The following CUL1 variants were observed in gnomAD, a reference collection of about 807,000 sequenced individuals.
The protein encoded by CUL1 is cullin-1.
CUL1 carries 24 observed loss-of-function variants against 118.0 expected under a neutral mutation model. The ratio of observed to expected loss-of-function variants is 0.20; its 90% CI spans 0.15 to 0.29. The LOEUF is 0.29. CUL1 is among the 10% of genes least tolerant of loss of function. The pLI, the probability that CUL1 is intolerant of heterozygous loss-of-function variation, is 1.00. For missense variants in CUL1, 361 were observed against 933.8 expected (o/e 0.39, Z 7.99); for synonymous variants, 332 against 340.4 (o/e 0.98, Z 0.27).
At position 148,769,458 on chromosome 7, in the gene CUL1, A is replaced by G. The variant is rs10246558; in HGVS notation, c.1083+1709A>G. Among the ~76,000 whole-genome samples, 661 of 139,246 alleles carry G rather than the reference A, an allele frequency of 4.7e-3. 10 individuals are homozygous for G. Among genetic ancestry groups the G allele is most frequent in the African/African-American group, 0.018 (641 of 36,276 alleles). The allele number at this position is 139,246 out of a possible 152,430, so 91.4% of individuals were successfully genotyped here. On this transcript the variant is annotated intron_variant, in intron 9 of 21. Coordinates refer to ENST00000325222, the MANE Select transcript of CUL1 (RefSeq NM_003592.3). ...ACACACACACACACACAAAACGCTC[A>G]CCCTCCTGTGATTCAGAAGGGGTCA...
chr7:148,762,744 G>A (rs1399108421), intron 7 of CUL1, among the ~76,000 whole-genome samples: 1 of 152,248 alleles, frequency 6.6e-6, no homozygotes, highest in East Asian at 1.9e-4. Context: ...GAGGATTGTG[G>A]TCATCTCCTT....
chr7:148,714,711 G>A (rs4725789), intron 1 of CUL1, among the ~76,000 whole-genome samples: 10,434 of 139,948 alleles, frequency 0.075, 432 homozygotes, highest in Middle Eastern at 0.13. Flanking sequence ...GTTGCCAAAG[G>A]GACTCATTTT....
intron 2 of CUL1, among the ~76,000 whole-genome samples, chr7:148,742,521 G>T (rs190486268): frequency 1.2e-3 from 176 of 151,936 alleles, no homozygotes; most frequent in African/African-American, 4.0e-3. Flanking sequence ...GTGCTATTTG[G>T]GTGGGGACAC....
intron 1 of CUL1, among the ~76,000 whole-genome samples, chr7:148,722,461 C>G (rs1798425897): frequency 6.6e-6 from 1 of 152,208 alleles, no homozygotes; most frequent in Non-Finnish European, 1.5e-5. Flanking sequence ...AAGACCAAGA[C>G]CCCTTAAAGC....
chr7:148,769,780 A>G (rs1438158204), intron 9 of CUL1, among the ~76,000 whole-genome samples: 1 of 152,206 alleles, frequency 6.6e-6, no homozygotes, highest in Admixed American at 6.5e-5. Context: ...CTATAGTCCC[A>G]GCTACTCAGA....
intron 1 of CUL1, among the ~76,000 whole-genome samples, chr7:148,706,937 G>T (rs1308272589): frequency 2.0e-5 from 3 of 152,102 alleles, no homozygotes; most frequent in African/African-American, 7.2e-5. Flanking sequence ...GTGAATAAAC[G>T]TAGGAAATGC....
chr7:148,783,061 C>T (rs1384075883), intron 9 of CUL1, among the ~76,000 whole-genome samples: 1 of 152,172 alleles, frequency 6.6e-6, no homozygotes, highest in African/African-American at 2.4e-5. Context: ...AGGGTGGTGG[C>T]GGCGTGCGCT....
intron 9 of CUL1, among the ~76,000 whole-genome samples, chr7:148,773,215 A>C (rs1800277656): frequency 6.6e-6 from 1 of 152,142 alleles, no homozygotes; most frequent in African/African-American, 2.4e-5. Context: ...TATTACACTA[A>C]ATCAAAATCC....
intron 3 of CUL1, among the ~76,000 whole-genome samples, chr7:148,755,633 AAAGT>A (rs1417764088): frequency 6.6e-6 from 1 of 152,190 alleles, no homozygotes; most frequent in African/African-American, 2.4e-5. Flanking sequence ...CTTTAGTACT[AAAGT>A]AAGAAACAGT....
intron 9 of CUL1, chr7:148,783,296 G>GATC: frequency 1.0e-6 from 1 of 983,762 alleles, no homozygotes; most frequent in Non-Finnish European, 1.2e-6. Flanking sequence ...TCGCCACGCG[G>GATC]ATCCGCGCCT....
At position 148,800,736 on chromosome 7, in the gene CUL1, C is replaced by T; in HGVS notation, c.*154C>T. On this transcript the variant is annotated 3_prime_UTR_variant, in exon 22 of 22. Transcript: ENST00000325222. This position sits in a 1 kb window ranked among gnomAD's most constrained non-coding sequence, Gnocchi z 4.6. ...CTCCCATCAGCTGGTCTCGGATTTA[C>T]ATCGGAACTGCTCAGGATTGATACA... The T allele has an allele frequency of 1.6e-6, 1 of 617,590 alleles. No individual in the cohort carries two copies. The highest frequency in any genetic ancestry group is 2.9e-6 in the Non-Finnish European group (1 of 346,262). 38.3% of individuals were successfully genotyped at this position (617,590 alleles called of 1,614,324 possible).
chr7:148,704,375 GTAATT>G (rs962861009), intron 1 of CUL1, among the ~76,000 whole-genome samples: 3 of 152,250 alleles, frequency 2.0e-5, no homozygotes, highest in African/African-American at 7.2e-5. Context: ...TAGAAAGAGT[GTAATT>G]TAATATGATT....
chr7:148,789,879 G>A, intron 15 of CUL1, 53 bp downstream of exon 15: 1 of 1,530,144 alleles, frequency 6.5e-7, no homozygotes, highest in South Asian at 1.1e-5. Flanking sequence ...GGGTGGGGCA[G>A]GGCAGCCTTC....
In CUL1 at chr7:148,729,915, A is replaced by C. The variant is rs548702023; in HGVS notation, c.-161-47A>C. On this transcript the variant is annotated intron_variant, in intron 1 of 21. Transcript: ENST00000325222. ...TTCTGTCAGTGTGTCTCACCTTATT[A>C]CAGTACCCCAGAGACAATCCACTGA... 23 of 547,588 alleles carry C rather than the reference A, an allele frequency of 4.2e-5. 1 individual carries two copies. Among genetic ancestry groups the C allele is most frequent in the African/African-American group, 3.4e-4 (18 of 52,378 alleles). 33.9% of individuals were successfully genotyped at this position (547,588 alleles called of 1,614,324 possible).
At chr7:148,715,529 A>G (rs1383966787) in intron 1 of CUL1, among the ~76,000 whole-genome samples, 1 of 151,966 alleles carries the variant, frequency 6.6e-6, no homozygotes, top group Non-Finnish European at 1.5e-5. Flanking sequence ...TCTCTTATAT[A>G]TTCTGTCTCT....
rs201868555 is a variant in CUL1 at position 148,766,298 on chromosome 7, A to AT, written c.790-253dup. 3.8e-3 allele frequency among the ~76,000 whole-genome samples: 561 copies of AT among 148,666 alleles called. 5 individuals are homozygous for AT. Among genetic ancestry groups the AT allele is most frequent in the East Asian group, 0.03 (154 of 5,108 alleles). On this transcript the variant is annotated intron_variant, in intron 7 of 21. Transcript: ENST00000325222. Reference sequence around the variant, plus strand: ...TACAGGCGCGTGCCACACCTGGCTAATTTTTTTTTTAGAGACAGGGTCGCA... The same window carrying AT: ...TACAGGCGCGTGCCACACCTGGCTAATTTTTTTTTTTAGAGACAGGGTCGCA...
At position 148,767,664 on chromosome 7, in the gene CUL1, T is replaced by A; in HGVS notation, c.998T>A (p.Leu333Gln). ...CTTGTATCTAGAATCCAGGATGGCC[T>A]AGGAGAATTGAAAAAACTGTTGGAG... The part of the protein sequence containing the change: ...YNLVSRIQDG[L>Q]GELKKLLETH... Residue 333 changes from leucine (L) to glutamine (Q), a missense_variant, in exon 9 of 22, where the codon CTA (leucine) becomes CAA (glutamine). Physicochemically the swap from Leu to Gln is moderately radical, Grantham distance 113 (BLOSUM62 -2). This residue lies in a region of CUL1 where 169 missense variants were observed against 429.7 expected (regional missense o/e 0.39). Coordinates refer to ENST00000325222, the MANE Select transcript of CUL1 (RefSeq NM_003592.3). 1 of 1,614,018 alleles carries A rather than the reference T, an allele frequency of 6.2e-7. No homozygotes were observed. Among genetic ancestry groups the A allele is most frequent in the South Asian group, 1.1e-5 (1 of 91,082 alleles).
chr7:148,798,257 C>A (rs1801273832), intron 19 of CUL1, among the ~76,000 whole-genome samples: 1 of 152,124 alleles, frequency 6.6e-6, no homozygotes, highest in South Asian at 2.1e-4. Flanking sequence ...TTAAATGGCT[C>A]ACCAAGAAAG....
intron 9 of CUL1, among the ~76,000 whole-genome samples, chr7:148,777,629 C>G (rs1000476279): frequency 1.3e-5 from 2 of 152,170 alleles, no homozygotes; most frequent in African/African-American, 4.8e-5. Context: ...AAAGGGAAGA[C>G]TTAAAATGTG....
Sources: gnomAD v4.1 joint callset for allele counts (sites outside exome capture counted in the v4.1 genomes callset) on GRCh38, gnomAD v4.1.1 for gene constraint, gnomAD v4.1.1 regional missense constraint, Gnocchi (gnomAD v3.1) non-coding constraint, MANE v1.5 for transcripts, NCBI Gene and HGNC (gene_info 2026-07-23, HGNC 2026-07-21) for gene names.